The following YAP1 variants were observed in gnomAD, a reference collection of about 807,000 sequenced individuals.
YAP1 encodes the protein transcriptional coactivator YAP1.
YAP1 carries 5 observed loss-of-function variants against 56.9 expected under a neutral mutation model. The ratio of observed to expected loss-of-function variants is 0.09; its 90% confidence interval spans 0.05 to 0.18. The LOEUF is 0.18. YAP1 is among the 10% of genes least tolerant of loss of function. The probability of loss-of-function intolerance (pLI) is 1.00; values close to 1 mark genes in which losing one functional copy is unlikely to be tolerated. For synonymous variants in YAP1, 265 were observed against 248.1 expected (o/e 1.07, Z -0.64); for missense variants, 539 against 651.8 (o/e 0.83, Z 1.88).
intron 3 of YAP1, among the ~76,000 whole-genome samples, chr11:102,168,125 A>G (rs1018481201): frequency 2.6e-5 from 4 of 152,176 alleles, no homozygotes; most frequent in African/African-American, 7.2e-5. Flanking sequence ...TTTTCTCCCC[A>G]TATTGAGAGT....
chr11:102,166,470 C>G (rs1224864138), intron 3 of YAP1, among the ~76,000 whole-genome samples: 1 of 152,156 alleles, frequency 6.6e-6, no homozygotes, highest in Non-Finnish European at 1.5e-5. Flanking sequence ...CTCTTCTCTA[C>G]TTGGAAAAAT....
At chr11:102,182,956 T>A (rs1194827950) in intron 3 of YAP1, among the ~76,000 whole-genome samples, 1 of 152,228 alleles carries the variant, frequency 6.6e-6, no homozygotes, top group African/African-American at 2.4e-5. Flanking sequence ...AAGTTCAAAG[T>A]ATTACTTAAA....
chr11:102,118,469 T>G (rs1943439050), intron 2 of YAP1, among the ~76,000 whole-genome samples: 1 of 47,068 alleles, frequency 2.1e-5, no homozygotes, highest in Non-Finnish European at 4.5e-5. Context: ...TCTTTCCTTT[T>G]TTTTTTTTTT....
At chr11:102,167,042 T>C (rs551660625) in intron 3 of YAP1, among the ~76,000 whole-genome samples, 27 of 152,348 alleles carry the variant, frequency 1.8e-4, no homozygotes, top group African/African-American at 6.0e-4. Context: ...TATGCTTTTA[T>C]AAGTCCTTTT....
intron 3 of YAP1, among the ~76,000 whole-genome samples, chr11:102,171,124 A>G (rs1946878358): frequency 6.6e-6 from 1 of 152,204 alleles, no homozygotes; most frequent in African/African-American, 2.4e-5. Context: ...AACTTTGCTC[A>G]GCTTTGGAGT....
At chr11:102,158,261 A>G (rs1300653386) in intron 2 of YAP1, among the ~76,000 whole-genome samples, 1 of 152,256 alleles carries the variant, frequency 6.6e-6, no homozygotes, top group Admixed American at 6.5e-5. Context: ...TACTAGTTCT[A>G]GATTTTAACC....
chr11:102,179,928 A>G (rs1337423014), intron 3 of YAP1, among the ~76,000 whole-genome samples: 1 of 152,136 alleles, frequency 6.6e-6, no homozygotes, highest in Non-Finnish European at 1.5e-5. Context: ...GCTTACATAG[A>G]AAGAATGAAA....
At chr11:102,111,756 C>T (rs1339533508) in intron 1 of YAP1, among the ~76,000 whole-genome samples, 3 of 152,176 alleles carry the variant, frequency 2.0e-5, no homozygotes, top group Admixed American at 1.3e-4. Flanking sequence ...CTCTTGTTTT[C>T]CAGTGTTGAT....
intron 2 of YAP1, among the ~76,000 whole-genome samples, chr11:102,159,713 A>G (rs952066048): frequency 6.6e-5 from 10 of 152,230 alleles, no homozygotes; most frequent in African/African-American, 2.4e-4. Context: ...TAAATAAATC[A>G]GTCCCACTTT....
At chr11:102,133,810 T>C (rs1246155624) in intron 2 of YAP1, among the ~76,000 whole-genome samples, 1 of 152,232 alleles carries the variant, frequency 6.6e-6, no homozygotes, top group Non-Finnish European at 1.5e-5. Flanking sequence ...AAAATAATAC[T>C]GTAGACGGAG....
Position 102,185,991 on chromosome 11 carries a change from ATTTT to A in YAP1, c.689-15_689-12del. On this transcript the variant is annotated intron_variant, in intron 3 of 8. Coordinates refer to ENST00000282441, the MANE Select transcript of YAP1 (RefSeq NM_001130145.3). ...TTAGGTGCACCAAATAAAAACCATGATTTTTTTTTTTTTTTCTGTATTATAGGTC... is the reference window on the plus strand; with the variant it reads ...TTAGGTGCACCAAATAAAAACCATGATTTTTTTTTTTCTGTATTATAGGTC... The A allele has an allele frequency of 7.4e-7, 1 of 1,357,000 alleles. No individual in the cohort carries two copies. The highest frequency in any genetic ancestry group is 9.8e-7 in the Non-Finnish European group (1 of 1,023,458). The allele number at this position is 1,357,000 out of a possible 1,614,324, so 84.1% of individuals were successfully genotyped here. A position where few individuals can be genotyped will look rare whatever the true frequency, so the allele number is the denominator to read the frequency against.
chr11:102,166,860 A>G (rs914887437), intron 3 of YAP1, among the ~76,000 whole-genome samples: 6 of 152,112 alleles, frequency 3.9e-5, no homozygotes, highest in African/African-American at 7.2e-5. Context: ...TCCTCATCCA[A>G]CTGCTTTCCT....
chr11:102,223,253 CAAA>C (rs1013718662), intron 6 of YAP1, among the ~76,000 whole-genome samples: 46 of 52,446 alleles, frequency 8.8e-4, no homozygotes, highest in African/African-American at 2.3e-3. Context: ...TCTTGAAGAA[CAAA>C]AAAAAAAAAA....
At chr11:102,191,374 T>TA (rs1428131304) in intron 4 of YAP1, among the ~76,000 whole-genome samples, 8 of 151,456 alleles carry the variant, frequency 5.3e-5, no homozygotes, top group Non-Finnish European at 8.8e-5. Context: ...TTTTTTTTTT[T>TA]AAATGCTGGG....
At chr11:102,214,555 T>C (rs1033284563) in intron 6 of YAP1, among the ~76,000 whole-genome samples, 2 of 152,246 alleles carry the variant, frequency 1.3e-5, no homozygotes, top group African/African-American at 2.4e-5. Flanking sequence ...CTGTCTTTCA[T>C]GTTAGCTGTT....
At chr11:102,217,105 T>G (rs1949705616) in intron 6 of YAP1, among the ~76,000 whole-genome samples, 1 of 152,204 alleles carries the variant, frequency 6.6e-6, no homozygotes, top group Non-Finnish European at 1.5e-5. Context: ...CTGCTTTATT[T>G]AGTGGACTTT....
At chr11:102,225,193 AC>A (rs1342498292) in intron 7 of YAP1, among the ~76,000 whole-genome samples, 2 of 151,864 alleles carry the variant, frequency 1.3e-5, no homozygotes, top group Non-Finnish European at 2.9e-5. Context: ...AAAAAAAAAA[AC>A]AACTCTTGGC....
intron 6 of YAP1, among the ~76,000 whole-genome samples, chr11:102,213,448 T>C (rs1949510575): frequency 6.6e-6 from 1 of 152,116 alleles, no homozygotes; most frequent in Non-Finnish European, 1.5e-5. Flanking sequence ...ATCGTGGCAT[T>C]GCACTCCAGC....
chr11:102,118,559 G>T (rs2135143359), intron 2 of YAP1, among the ~76,000 whole-genome samples: 1 of 148,096 alleles, frequency 6.8e-6, no homozygotes, highest in African/African-American at 2.5e-5. Flanking sequence ...TGCCTCCTGG[G>T]TTCGCGTGAT....
Sources: allele counts gnomAD v4.1 joint callset (sites outside exome capture counted in the v4.1 genomes callset), GRCh38; gene constraint gnomAD v4.1.1; transcripts MANE v1.5; gene names NCBI Gene and HGNC (gene_info 2026-07-23, HGNC 2026-07-21).